MDGA2: variants seen among roughly 807,000 people sequenced by gnomAD.
MDGA2 encodes the protein MAM domain-containing glycosylphosphatidylinositol anchor protein 2.
In MDGA2, 40 loss-of-function variants were observed where a neutral mutation model predicts 117.8. That is an observed-to-expected ratio of 0.34 (90% CI 0.26 to 0.44). The LOEUF is 0.44. Ranked by LOEUF, MDGA2 falls within the 20% of genes least tolerant of loss-of-function variation. The pLI, the probability that MDGA2 is intolerant of heterozygous loss-of-function variation, is 1.00. For missense variants in MDGA2, 1,123 were observed against 1,250.6 expected (o/e 0.90, Z 1.54); for synonymous variants, 452 against 439.0 (o/e 1.03, Z -0.37).
intron 1 of MDGA2, among the ~76,000 whole-genome samples, chr14:47,518,947 T>TA (rs1348350886): frequency 2.0e-5 from 3 of 152,186 alleles, no homozygotes; most frequent in African/African-American, 7.2e-5. Context: ...CTCATACCTG[T>TA]AATCCCAGCA....
chr14:46,946,896 G>A (rs903463536), intron 9 of MDGA2, among the ~76,000 whole-genome samples: 8 of 151,936 alleles, frequency 5.3e-5, no homozygotes, highest in African/African-American at 1.9e-4. Flanking sequence ...AGGATGCCAG[G>A]TCCTTCCCCT....
intron 1 of MDGA2, among the ~76,000 whole-genome samples, chr14:47,470,889 C>T (rs1386323681): frequency 6.6e-6 from 1 of 152,134 alleles, no homozygotes. Context: ...AGTAATGAGA[C>T]TATTTTTCCC....
At chr14:47,512,269 G>T (rs1036487759) in intron 1 of MDGA2, among the ~76,000 whole-genome samples, 8 of 152,088 alleles carry the variant, frequency 5.3e-5, no homozygotes, top group African/African-American at 1.7e-4. Flanking sequence ...AATTAAATAA[G>T]TGTCAGAATT....
intron 8 of MDGA2, among the ~76,000 whole-genome samples, chr14:47,018,457 T>A (rs967174346): frequency 2.0e-5 from 3 of 152,092 alleles, no homozygotes; most frequent in African/African-American, 4.8e-5. Flanking sequence ...CTTCCCCTCC[T>A]CTTAGCTTCT....
intron 2 of MDGA2, among the ~76,000 whole-genome samples, chr14:47,251,119 T>C (rs1335935582): frequency 6.6e-6 from 1 of 152,246 alleles, no homozygotes; most frequent in African/African-American, 2.4e-5. Flanking sequence ...CTCTTGTCTA[T>C]TATGGAGCTT....
intron 2 of MDGA2, among the ~76,000 whole-genome samples, chr14:47,236,285 C>T (rs1886858104): frequency 8.9e-6 from 1 of 112,640 alleles, no homozygotes; most frequent in Non-Finnish European, 1.8e-5. Flanking sequence ...AGCGAGACTC[C>T]GCCTCAAAAA....
At chr14:46,877,624 G>C in intron 11 of MDGA2, 115 bp from the exon 12 acceptor site, 1 of 650,288 alleles carries the variant, frequency 1.5e-6, no homozygotes, top group Non-Finnish European at 2.5e-6. Context: ...AAAACTTAAT[G>C]ATCTTTCCCA....
intron 5 of MDGA2, among the ~76,000 whole-genome samples, chr14:47,101,457 T>C (rs1201889231): frequency 6.6e-6 from 1 of 152,106 alleles, no homozygotes; most frequent in Non-Finnish European, 1.5e-5. Flanking sequence ...CCACACCAAA[T>C]CCCAAACATC....
intron 4 of MDGA2, among the ~76,000 whole-genome samples, chr14:47,134,777 CTA>C (rs146851138): frequency 1.1e-3 from 153 of 145,370 alleles, no homozygotes; most frequent in Middle Eastern, 7.1e-3. Flanking sequence ...CACACACACA[CTA>C]TATATATATA....
intron 1 of MDGA2, among the ~76,000 whole-genome samples, chr14:47,516,098 T>C (rs2138703149): frequency 6.6e-6 from 1 of 152,250 alleles, no homozygotes; most frequent in Middle Eastern, 3.4e-3. Flanking sequence ...CAAAGTCCAT[T>C]TATGCATAGT....
At chr14:47,179,452 C>T (rs1884610902) in intron 3 of MDGA2, among the ~76,000 whole-genome samples, 1 of 151,798 alleles carries the variant, frequency 6.6e-6, no homozygotes, top group Non-Finnish European at 1.5e-5. Context: ...TGCAAGTAAA[C>T]TATTATATAT....
chr14:47,244,789 T>C (rs1887183294), intron 2 of MDGA2, among the ~76,000 whole-genome samples: 1 of 151,760 alleles, frequency 6.6e-6, no homozygotes, highest in Admixed American at 6.6e-5. Flanking sequence ...TGTATATTTT[T>C]ATATACATAT....
chr14:46,841,843 G>T lies in MDGA2; in HGVS notation c.*88C>A. 2.2e-6 allele frequency: 2 copies of T among 890,506 alleles called. No individual in the cohort carries two copies. The highest frequency in any genetic ancestry group is 1.8e-5 in the South Asian group (1 of 56,144). 55.2% of individuals were successfully genotyped at this position (890,506 alleles called of 1,614,324 possible). A position where few individuals can be genotyped will look rare whatever the true frequency, so the allele number is the denominator to read the frequency against. ...TCAGTAGTCAGTGGAGGAATCTTTGGTAGTTTGTTTGTTCAATGTCCATTT... is the reference window on the plus strand; with the variant it reads ...TCAGTAGTCAGTGGAGGAATCTTTGTTAGTTTGTTTGTTCAATGTCCATTT... On this transcript the variant is annotated 3_prime_UTR_variant, in exon 17 of 17. Coordinates refer to ENST00000399232, the MANE Select transcript of MDGA2 (RefSeq NM_001113498.3).
intron 1 of MDGA2, among the ~76,000 whole-genome samples, chr14:47,604,979 G>GTTT (rs908506504): frequency 1.3e-5 from 2 of 150,962 alleles, no homozygotes; most frequent in African/African-American, 4.9e-5. Context: ...CAAATTCATG[G>GTTT]TTTTTTTTTA....
intron 2 of MDGA2, among the ~76,000 whole-genome samples, chr14:47,294,938 C>T (rs1889012614): frequency 2.0e-5 from 3 of 152,070 alleles, no homozygotes; most frequent in East Asian, 3.9e-4. Context: ...GTTAAAAATG[C>T]ATTTATACAA....
intron 1 of MDGA2, among the ~76,000 whole-genome samples, chr14:47,467,652 C>T (rs927724544): frequency 7.2e-5 from 11 of 152,068 alleles, no homozygotes; most frequent in African/African-American, 2.7e-4. Flanking sequence ...CCTACCAGCT[C>T]TTTGACCTTG....
intron 10 of MDGA2, among the ~76,000 whole-genome samples, chr14:46,891,094 G>A (rs1383444014): frequency 1.3e-5 from 2 of 151,996 alleles, no homozygotes; most frequent in African/African-American, 4.8e-5. Flanking sequence ...CATATTTTAT[G>A]TGACTTTACA....
chr14:46,903,100 T>A (rs559244463), intron 10 of MDGA2, among the ~76,000 whole-genome samples: 1 of 152,322 alleles, frequency 6.6e-6, no homozygotes, highest in African/African-American at 2.4e-5. Flanking sequence ...GTGGGAGCGC[T>A]GGCAGGAATC....
intron 1 of MDGA2, among the ~76,000 whole-genome samples, chr14:47,445,672 C>A (rs1313293583): frequency 1.3e-5 from 2 of 151,890 alleles, no homozygotes; most frequent in African/African-American, 4.8e-5. Flanking sequence ...ACTCATAAGA[C>A]AAAATAAAAT....
Sources: gnomAD v4.1 joint callset for allele counts (sites outside exome capture counted in the v4.1 genomes callset) on GRCh38, gnomAD v4.1.1 for gene constraint, MANE v1.5 for transcripts, NCBI Gene and HGNC (gene_info 2026-07-23, HGNC 2026-07-21) for gene names.